The following SLC6A18 variants were observed in gnomAD, a reference collection of about 807,000 sequenced individuals.
The protein encoded by SLC6A18 is inactive sodium-dependent neutral amino acid transporter B(0)AT3.
SLC6A18 carries 58 observed loss-of-function variants against 62.9 expected under a neutral mutation model. The observed-to-expected ratio is 0.92, with a 90% CI of 0.75 to 1.15. SLC6A18 has a LOEUF of 1.15. SLC6A18 is among the 50% of genes most tolerant of loss of function. The pLI is 0.00. For synonymous variants in SLC6A18, 382 were observed against 365.8 expected (o/e 1.04, Z -0.51); for missense variants, 793 against 836.6 (o/e 0.95, Z 0.64).
In SLC6A18 at chr5:1,244,665, G is replaced by A; in HGVS notation, c.1554G>A (p.Leu518=). Reference sequence around the variant, plus strand: ...GGCGGCCCAGCCCCTACTGGCGGCTGACCTGGAGGGTGGTCAGTCCCCTGC... The same window carrying A: ...GGCGGCCCAGCCCCTACTGGCGGCTAACCTGGAGGGTGGTCAGTCCCCTGC... ...TGRRPSPYWR[L]TWRVVSPLLL... Residue 518 remains leucine (L), a synonymous_variant, in exon 11 of 12, where the codon CTG becomes CTA. Transcript: ENST00000324642. The A allele has an allele frequency of 6.2e-7, 1 of 1,612,166 alleles. No homozygotes were observed. Among genetic ancestry groups the A allele is most frequent in the South Asian group, 1.1e-5 (1 of 91,028 alleles).
Position 1,241,869 on chromosome 5 carries a change from C to T in SLC6A18, c.975-838C>T, listed in dbSNP as rs145109233. ...GGATAAGGACCAGCCGTGCGCACAA[C>T]GCCCTGCGCCGTGCAGCCCAAGCTG... On this transcript the variant is annotated intron_variant, in intron 7 of 11. Transcript: ENST00000324642. The surrounding 1 kb of genome is among the most constrained non-coding windows in gnomAD (Gnocchi z 7.8). 1.1e-4 allele frequency among the ~76,000 whole-genome samples: 17 copies of T among 152,350 alleles called. No homozygotes were observed. The East Asian group carries it at 2.1e-3, about 19-fold the overall frequency.
intron 11 of SLC6A18, 111 bp from the exon 12 acceptor site, chr5:1,245,737 C>T: frequency 2.5e-6 from 3 of 1,186,616 alleles, no homozygotes; most frequent in Non-Finnish European, 3.5e-6. Flanking sequence ...TTTCCATTCC[C>T]ATCCAAGTCC....
At position 1,243,573 on chromosome 5, in the gene SLC6A18, C is replaced by T. The variant is rs150034651; in HGVS notation, c.1150C>T (p.Leu384=). 8.7e-6 allele frequency: 14 copies of T among 1,613,648 alleles called. No homozygotes were observed. In the African/African-American group the frequency reaches 1.9e-4, roughly 22 times the overall value. Residue 384 remains leucine, a synonymous_variant, in exon 9 of 12, where the codon CTG becomes TTG. Coordinates refer to ENST00000324642, the MANE Select transcript of SLC6A18 (RefSeq NM_182632.3). The surrounding 1 kb of genome is among the most constrained non-coding windows in gnomAD (Gnocchi z 6.5). ...ATTGCAGAGTGCCTCGGGCCCGGGCCTGGCCTTCGTCGTCTTCACGGAGAC... is the reference window on the plus strand; with the variant it reads ...ATTGCAGAGTGCCTCGGGCCCGGGCTTGGCCTTCGTCGTCTTCACGGAGAC... ...FLDKSASGPG[L]AFVVFTETDL... is the part of the protein sequence containing the mutation.
chr5:1,242,675 C>A (rs1747094512), intron 7 of SLC6A18, 32 bp from the exon 8 acceptor site: 2 of 1,571,048 alleles, frequency 1.3e-6, no homozygotes. Flanking sequence ...GGAACCAGGG[C>A]CATGAGCCCA....
At position 1,227,117 on chromosome 5, in the gene SLC6A18, CGCCTTGCCCGTCGAT is replaced by C. The variant is rs1561173474; in HGVS notation, c.160+1491_160+1505del. Among the ~76,000 whole-genome samples, 508 of 85,904 alleles carry C rather than the reference CGCCTTGCCCGTCGAT, an allele frequency of 5.9e-3. 9 individuals are homozygous for C. Among genetic ancestry groups the C allele is most frequent in the African/African-American group, 0.017 (443 of 25,420 alleles). 56.4% of individuals were successfully genotyped at this position (85,904 alleles called of 152,430 possible). A position where few individuals can be genotyped will look rare whatever the true frequency, so the allele number is the denominator to read the frequency against. The stretch of plus-strand genomic sequence containing the variant: ...TGCCCGCCGACGCCTTGCCCGCCGA[CGCCTTGCCCGTCGAT>C]GCCTTGCCCGCCGATGACTTGCCCG... On this transcript the variant is annotated intron_variant, in intron 1 of 11. Transcript: ENST00000324642.
chr5:1,242,674 G>C, intron 7 of SLC6A18, 33 bp from the exon 8 acceptor site: 1 of 1,570,614 alleles, frequency 6.4e-7, no homozygotes, highest in Non-Finnish European at 8.7e-7. Context: ...GGGAACCAGG[G>C]CCATGAGCCC....
intron 5 of SLC6A18, among the ~76,000 whole-genome samples, chr5:1,238,772 G>T (rs968570348): frequency 3.3e-5 from 5 of 152,236 alleles, no homozygotes; most frequent in Non-Finnish European, 5.9e-5. Flanking sequence ...ACAGGGTTCT[G>T]GGAGAGGCTG....
Position 1,225,643 on chromosome 5 carries a change from CA to C in SLC6A18, c.160+7del. The C allele has an allele frequency of 2.6e-6, 4 of 1,561,312 alleles. No individual in the cohort carries two copies. The highest frequency in any genetic ancestry group is 3.5e-6 in the Non-Finnish European group (4 of 1,152,710). On this transcript the variant is annotated splice_region_variant and intron_variant, in intron 1 of 11. Coordinates refer to ENST00000324642, the MANE Select transcript of SLC6A18 (RefSeq NM_182632.3). ...GTGCCAGACCTATGGAGGAGGTAAG[CA>C]CCCACCTGCGTCCTGGGGCAGACCC...
At chr5:1,233,870 T>TA (rs1309385378) in intron 3 of SLC6A18, among the ~76,000 whole-genome samples, 1 of 151,908 alleles carries the variant, frequency 6.6e-6, no homozygotes, top group Non-Finnish European at 1.5e-5. Flanking sequence ...GCCTCCCAAA[T>TA]AGCTAGGACT....
chr5:1,244,890 G>T, intron 11 of SLC6A18, 123 bp downstream of exon 11: 2 of 1,209,976 alleles, frequency 1.7e-6, no homozygotes, highest in African/African-American at 1.5e-5. Context: ...TGACAAGGTG[G>T]CGTGGTCACT....
At position 1,245,883 on chromosome 5, in the gene SLC6A18, G is replaced by T; in HGVS notation, c.1692G>T (p.Pro564=). ...CCTCGCGTCAGGAGAAGCTCTACCC[G>T]GGCTGGGCGCGCGCCGCCTGTGTGC... ...LFPSRQEKLY[P]GWARAACVLL... is the part of the protein sequence containing the mutation. The change falls in exon 12 of 12, where the codon CCG becomes CCT. Residue 564 remains proline (P), a synonymous_variant. Coordinates refer to ENST00000324642, the MANE Select transcript of SLC6A18 (RefSeq NM_182632.3). The T allele has an allele frequency of 1.2e-6, 2 of 1,608,308 alleles. No homozygotes were observed. Among genetic ancestry groups the T allele is most frequent in the Non-Finnish European group, 8.5e-7 (1 of 1,179,202 alleles).
rs1184233894 is a variant in SLC6A18, at chr5:1,246,140, G to A, written c.*62G>A. On this transcript the variant is annotated 3_prime_UTR_variant, in exon 12 of 12. Coordinates refer to ENST00000324642, the MANE Select transcript of SLC6A18 (RefSeq NM_182632.3). ...GGGGGGGCTTGGCCTGATGGTGGGC[G>A]GGGCCCCGCCCACAGGGCCGACCCC... 2.1e-6 allele frequency: 3 copies of A among 1,403,332 alleles called. No homozygotes were observed. Among genetic ancestry groups the A allele is most frequent in the Non-Finnish European group, 2.8e-6 (3 of 1,058,210 alleles). 86.9% of individuals were successfully genotyped at this position (1,403,332 alleles called of 1,614,324 possible).
At chr5:1,229,076 A>G (rs1207495362) in intron 1 of SLC6A18, among the ~76,000 whole-genome samples, 2 of 152,062 alleles carry the variant, frequency 1.3e-5, no homozygotes, top group Admixed American at 6.5e-5. Flanking sequence ...CAGAGCCACC[A>G]CCCCCAACCA....
Position 1,245,830 on chromosome 5 carries a change from G to A in SLC6A18, c.1657-18G>A, listed in dbSNP as rs1747202603. 2 of 1,595,972 alleles carry A rather than the reference G, an allele frequency of 1.3e-6. No individual in the cohort carries two copies. The highest frequency in any genetic ancestry group is 1.7e-6 in the Non-Finnish European group (2 of 1,171,266). On this transcript the variant is annotated intron_variant, in intron 11 of 11. Coordinates refer to ENST00000324642, the MANE Select transcript of SLC6A18 (RefSeq NM_182632.3). Reference sequence around the variant, plus strand: ...CCCAGGGTGGCCGGCGCCAGCTAATGAGGCTGTGGTCCCGCAGGAGCTGTT... The same window carrying A: ...CCCAGGGTGGCCGGCGCCAGCTAATAAGGCTGTGGTCCCGCAGGAGCTGTT...
rs545182209 is a variant in SLC6A18, at chr5:1,234,005, T to C, written c.439+1117T>C. On this transcript the variant is annotated intron_variant, in intron 3 of 11. Transcript: ENST00000324642. The stretch of plus-strand genomic sequence containing the variant: ...ATCCGCCTGCCTCGGCCTCCCAAAG[T>C]GCTGGGATTACAGGCGTGAGCCACC... 3.6e-3 allele frequency among the ~76,000 whole-genome samples: 546 copies of C among 152,230 alleles called. 2 individuals are homozygous for C. Among genetic ancestry groups the C allele is most frequent in the Non-Finnish European group, 6.1e-3 (412 of 67,980 alleles).
chr5:1,242,353 C>A (rs563018870), intron 7 of SLC6A18, among the ~76,000 whole-genome samples: 1 of 152,022 alleles, frequency 6.6e-6, no homozygotes, highest in East Asian at 2.0e-4. Flanking sequence ...CCAACAGGGG[C>A]AGGAGGCGTC....
rs752950886 is a variant in SLC6A18, at chr5:1,232,937, G to C, written c.439+49G>C. ...GTGGGTCCGTGCACGGCCGAGAGAGGCATGTGCTGCAGCGTGTCCAGCATC... is the reference window on the plus strand; with the variant it reads ...GTGGGTCCGTGCACGGCCGAGAGAGCCATGTGCTGCAGCGTGTCCAGCATC... On this transcript the variant is annotated intron_variant, in intron 3 of 11. Transcript: ENST00000324642. 55 of 1,565,780 alleles carry C rather than the reference G, an allele frequency of 3.5e-5. No homozygotes were observed. In the Admixed American group the frequency reaches 9.6e-4, roughly 27 times the overall value.
At chr5:1,234,663 G>A (rs551109952) in intron 3 of SLC6A18, among the ~76,000 whole-genome samples, 171 of 152,350 alleles carry the variant, frequency 1.1e-3, no homozygotes, top group Non-Finnish European at 1.8e-3. Flanking sequence ...GAAAATTTCC[G>A]AAGAAAAGGG....
In SLC6A18 at chr5:1,241,245, G is replaced by T. The variant is rs751753492; in HGVS notation, c.974+586G>T. 2.6e-5 allele frequency among the ~76,000 whole-genome samples: 4 copies of T among 152,204 alleles called. No homozygotes were observed. The highest frequency in any genetic ancestry group is 5.9e-5 in the Non-Finnish European group (4 of 68,028). ...TCGTCAGACCCACGGCCCTCTTAGA[G>T]CACCCAACTTGCTTGTGAACTACCT... On this transcript the variant is annotated intron_variant, in intron 7 of 11. Coordinates refer to ENST00000324642, the MANE Select transcript of SLC6A18 (RefSeq NM_182632.3). The surrounding 1 kb of genome is among the most constrained non-coding windows in gnomAD (Gnocchi z 7.8).
Sources: gnomAD v4.1 joint callset for allele counts (sites outside exome capture counted in the v4.1 genomes callset) on GRCh38, gnomAD v4.1.1 for gene constraint, Gnocchi (gnomAD v3.1) non-coding constraint, MANE v1.5 for transcripts, NCBI Gene and HGNC (gene_info 2026-07-23, HGNC 2026-07-21) for gene names.